The following CBLB variants were observed in gnomAD, a reference collection of about 807,000 sequenced individuals.
The protein encoded by CBLB is E3 ubiquitin-protein ligase CBL-B.
In CBLB, 31 loss-of-function variants were observed where a neutral mutation model predicts 104.9. That is an observed-to-expected ratio of 0.30 (90% CI 0.22 to 0.40). The LOEUF (loss-of-function observed/expected upper bound fraction) is 0.40. Ranked by LOEUF, CBLB falls within the 10% of genes least tolerant of loss-of-function variation. The pLI, the probability that CBLB is intolerant of heterozygous loss-of-function variation, is 1.00. For missense variants in CBLB, 1,062 were observed against 1,214.6 expected (o/e 0.87, Z 1.87); for synonymous variants, 440 against 422.6 (o/e 1.04, Z -0.51).
At chr3:105,759,661 G>A (rs1223464844) in intron 4 of CBLB, among the ~76,000 whole-genome samples, 1 of 152,240 alleles carries the variant, frequency 6.6e-6, no homozygotes, top group East Asian at 1.9e-4. Flanking sequence ...GCCCAGGCTT[G>A]GCCACAGCTT....
At chr3:105,822,244 G>GC (rs2085973372) in intron 3 of CBLB, among the ~76,000 whole-genome samples, 4 of 152,178 alleles carry the variant, frequency 2.6e-5, no homozygotes, top group African/African-American at 9.6e-5. Context: ...ATTTATAAAT[G>GC]CAAGAGGCAT....
At chr3:105,724,418 T>C (rs78962100) in intron 9 of CBLB, among the ~76,000 whole-genome samples, 162 of 152,254 alleles carry the variant, frequency 1.1e-3, no homozygotes, top group African/African-American at 3.8e-3. Flanking sequence ...ACTGGACTTC[T>C]ACCTTCCCCA....
intron 4 of CBLB, among the ~76,000 whole-genome samples, chr3:105,769,953 TGAA>T (rs1332736807): frequency 1.3e-5 from 2 of 152,288 alleles, no homozygotes; most frequent in Non-Finnish European, 2.9e-5. Context: ...AATTTAAATT[TGAA>T]GAAGAGAATT....
intron 3 of CBLB, among the ~76,000 whole-genome samples, chr3:105,791,736 T>C (rs1331540449): frequency 1.3e-5 from 2 of 152,332 alleles, no homozygotes; most frequent in African/African-American, 4.8e-5. Context: ...AGACATCTGG[T>C]GTCACACATA....
intron 10 of CBLB, among the ~76,000 whole-genome samples, chr3:105,708,593 C>CA (rs2152801584): frequency 6.6e-6 from 1 of 151,934 alleles, no homozygotes; most frequent in African/African-American, 2.4e-5. Flanking sequence ...AACCTGATTT[C>CA]AAACCACAGA....
chr3:105,859,952 T>C (rs1560569525), intron 2 of CBLB, among the ~76,000 whole-genome samples: 1 of 152,234 alleles, frequency 6.6e-6, no homozygotes, highest in Non-Finnish European at 1.5e-5. Context: ...AAATTGATCA[T>C]GAGTCCAGCA....
chr3:105,697,484 T>TCCTACACATGTAAACC (rs1334260016), intron 12 of CBLB, among the ~76,000 whole-genome samples: 1 of 151,982 alleles, frequency 6.6e-6, no homozygotes, highest in East Asian at 1.9e-4. Flanking sequence ...CTTTACCTTA[T>TCCTACACATGTAAACC]CCTACACATG....
At chr3:105,742,352 A>G (rs1560046164) in intron 6 of CBLB, among the ~76,000 whole-genome samples, 2 of 152,216 alleles carry the variant, frequency 1.3e-5, no homozygotes, top group Non-Finnish European at 2.9e-5. Flanking sequence ...ATTAACTTGT[A>G]TATTTAGTAG....
intron 13 of CBLB, among the ~76,000 whole-genome samples, chr3:105,692,866 AATGAGAGAT>A (rs1576382103): frequency 6.7e-6 from 1 of 149,766 alleles, no homozygotes; most frequent in East Asian, 1.9e-4. Flanking sequence ...GGAAGATATC[AATGAGAGAT>A]ATCTAGTGTG....
At chr3:105,770,633 T>C (rs1271560231) in intron 4 of CBLB, among the ~76,000 whole-genome samples, 3 of 152,118 alleles carry the variant, frequency 2.0e-5, no homozygotes, top group Non-Finnish European at 2.9e-5. Context: ...GTGGGAAGTG[T>C]GCTGCAGACA....
chr3:105,685,483 A>T lies in CBLB; in HGVS notation c.2055-17T>A. On this transcript the variant is annotated splice_polypyrimidine_tract_variant and intron_variant, in intron 13 of 18. Coordinates refer to ENST00000394030, the MANE Select transcript of CBLB (RefSeq NM_170662.5). ...CCAGTACACCTACCAGGGGAAAAAA[A>T]ATCCAATCTAGTTTAAGCATAATAT... The T allele has an allele frequency of 6.2e-7, 1 of 1,608,646 alleles. No individual in the cohort carries two copies. Among genetic ancestry groups the T allele is most frequent in the South Asian group, 1.1e-5 (1 of 90,756 alleles).
At chr3:105,832,813 G>C (rs1213218465) in intron 3 of CBLB, among the ~76,000 whole-genome samples, 1 of 152,200 alleles carries the variant, frequency 6.6e-6, no homozygotes, top group Non-Finnish European at 1.5e-5. Flanking sequence ...TGTTGGAAAT[G>C]AAGTAGGCAC....
intron 14 of CBLB, 137 bp from the exon 15 acceptor site, chr3:105,681,955 G>A (rs1229412330): frequency 3.6e-5 from 23 of 639,338 alleles, no homozygotes; most frequent in Non-Finnish European, 6.4e-5. Flanking sequence ...AAAATTACCA[G>A]TAATAACATC....
intron 5 of CBLB, among the ~76,000 whole-genome samples, chr3:105,750,123 A>G (rs1016228023): frequency 1.3e-5 from 2 of 151,720 alleles, no homozygotes; most frequent in African/African-American, 2.4e-5. Context: ...GGTTCACACC[A>G]TTCTCCTGCC....
chr3:105,720,077 C>T lies in CBLB; in HGVS notation c.1377G>A (p.Leu459=), dbSNP rs1345291033. 2 of 1,614,026 alleles carry T rather than the reference C, an allele frequency of 1.2e-6. No individual in the cohort carries two copies. The highest frequency in any genetic ancestry group is 3.3e-5 in the Admixed American group (2 of 59,990). Reference sequence around the variant, plus strand: ...GGACGTTTGCCAACCGATTCATCATCAAGGACTCCTCACGATCATCATCGT... The same window carrying T: ...GGACGTTTGCCAACCGATTCATCATTAAGGACTCCTCACGATCATCATCGT... The part of the protein sequence containing the change: ...LDDDDDREES[L]MMNRLANVRK... The change falls in exon 10 of 19, where the codon TTG becomes TTA. Residue 459 remains leucine, a synonymous_variant. Transcript: ENST00000394030.
At chr3:105,742,796 T>C (rs567484236) in intron 6 of CBLB, among the ~76,000 whole-genome samples, 1 of 152,334 alleles carries the variant, frequency 6.6e-6, no homozygotes, top group African/African-American at 2.4e-5. Flanking sequence ...TTGCTAGTAA[T>C]TTTAAATGTA....
chr3:105,730,692 G>A (rs74778519), intron 9 of CBLB, among the ~76,000 whole-genome samples: 10,975 of 152,024 alleles, frequency 0.072, 508 homozygotes, highest in Admixed American at 0.12. Context: ...CTTTGTGTGA[G>A]GAGAATTCAA....
intron 3 of CBLB, among the ~76,000 whole-genome samples, chr3:105,782,585 T>TC (rs1279849550): frequency 0.015 from 1,472 of 99,660 alleles, 42 homozygotes; most frequent in East Asian, 0.12. Flanking sequence ...TTTCTTTTTT[T>TC]TTTTTTTTTT....
chr3:105,826,136 A>T (rs1472170151), intron 3 of CBLB, among the ~76,000 whole-genome samples: 1 of 122,680 alleles, frequency 8.2e-6, no homozygotes, highest in East Asian at 2.4e-4. Context: ...GCATGTCCCC[A>T]ATTTTGTTTA....
Sources: gnomAD v4.1 joint callset for allele counts (sites outside exome capture counted in the v4.1 genomes callset) on GRCh38, gnomAD v4.1.1 for gene constraint, MANE v1.5 for transcripts, NCBI Gene and HGNC (gene_info 2026-07-23, HGNC 2026-07-21) for gene names.